CNTNAP5: variants seen among roughly 807,000 people sequenced by gnomAD.
CNTNAP5 encodes the protein contactin-associated protein-like 5.
A neutral mutation model predicts 150.2 loss-of-function variants in CNTNAP5; 72 were observed. The observed-to-expected ratio is 0.48, with a 90% CI of 0.40 to 0.58. CNTNAP5 has a LOEUF of 0.58. Among genes scored for constraint, CNTNAP5 ranks in the 20% least tolerant of loss-of-function variants. The pLI is 0.00. For synonymous variants in CNTNAP5, 672 were observed against 619.8 expected (o/e 1.08, Z -1.25); for missense variants, 1,636 against 1,626.2 (o/e 1.01, Z -0.10).
intron 20 of CNTNAP5, among the ~76,000 whole-genome samples, chr2:124,867,319 C>A (rs995235952): frequency 1.3e-5 from 2 of 152,122 alleles, no homozygotes; most frequent in South Asian, 2.1e-4. Context: ...TTTTCTTGCC[C>A]GAATTTTTGG....
At chr2:124,540,251 A>G (rs1206753226) in intron 10 of CNTNAP5, among the ~76,000 whole-genome samples, 1 of 152,202 alleles carries the variant, frequency 6.6e-6, no homozygotes, top group Non-Finnish European at 1.5e-5. Flanking sequence ...TGCTTTGGAT[A>G]TGGAAATCTT....
Position 124,860,449 on chromosome 2 carries a change from TTCTTTCCTTCCTTCCTTCCTTCC to T in CNTNAP5, c.3218-4855_3218-4833del, listed in dbSNP as rs1558803813. On this transcript the variant is annotated intron_variant, in intron 19 of 23. Transcript: ENST00000682447. The stretch of plus-strand genomic sequence containing the variant: ...CTTCCTTCCTTCCTTCCTTCCTTCC[TTCTTTCCTTCCTTCCTTCCTTCC>T]TTCCTTCCTTCCTTCCTTCCTTCCT... Among the ~76,000 whole-genome samples, 152 of 109,762 alleles carry T rather than the reference TTCTTTCCTTCCTTCCTTCCTTCC, an allele frequency of 1.4e-3. 5 individuals are homozygous for T. In the Middle Eastern group the frequency reaches 0.02, roughly 15 times the overall value. 72.0% of individuals were successfully genotyped at this position (109,762 alleles called of 152,430 possible). A position where few individuals can be genotyped will look rare whatever the true frequency, so the allele number is the denominator to read the frequency against.
At chr2:124,532,960 C>T (rs1695144770) in intron 10 of CNTNAP5, among the ~76,000 whole-genome samples, 1 of 152,132 alleles carries the variant, frequency 6.6e-6, no homozygotes, top group South Asian at 2.1e-4. Flanking sequence ...CCCCGCCACC[C>T]TTTCCCCAAC....
At chr2:124,388,516 C>A (rs1455996317) in intron 3 of CNTNAP5, among the ~76,000 whole-genome samples, 1 of 152,146 alleles carries the variant, frequency 6.6e-6, no homozygotes, top group African/African-American at 2.4e-5. Context: ...GCATCAATTC[C>A]CTGGGAAGGC....
At chr2:124,268,013 A>G (rs1022260808) in intron 3 of CNTNAP5, among the ~76,000 whole-genome samples, 4 of 152,140 alleles carry the variant, frequency 2.6e-5, no homozygotes, top group Admixed American at 6.5e-5. Context: ...ATCCAGCTCA[A>G]TATTTCAAAG....
chr2:124,199,384 A>C (rs1685663412), intron 1 of CNTNAP5, among the ~76,000 whole-genome samples: 1 of 144,426 alleles, frequency 6.9e-6, no homozygotes, highest in Non-Finnish European at 1.5e-5. Context: ...TAATTTTTTC[A>C]TGTATTTTGT....
chr2:124,316,607 T>C (rs894462199), intron 3 of CNTNAP5, among the ~76,000 whole-genome samples: 1 of 151,668 alleles, frequency 6.6e-6, no homozygotes, highest in African/African-American at 2.4e-5. Flanking sequence ...AGATTGAGAC[T>C]ATCCTGGCTA....
chr2:124,448,744 A>G (rs1692891534), intron 6 of CNTNAP5, among the ~76,000 whole-genome samples: 1 of 150,048 alleles, frequency 6.7e-6, no homozygotes, highest in African/African-American at 2.5e-5. Flanking sequence ...TATGACAGAG[A>G]CTCTAAGTGC....
chr2:124,233,176 C>T lies in CNTNAP5; in HGVS notation c.188-9024C>T, dbSNP rs539493981. On this transcript the variant is annotated intron_variant, in intron 2 of 23. Transcript: ENST00000682447. ...TACCATCCTCAGTGGCAGCATTGTCCTGGAACTGATAAGCCTGCCCAACAT... is the reference window on the plus strand; with the variant it reads ...TACCATCCTCAGTGGCAGCATTGTCTTGGAACTGATAAGCCTGCCCAACAT... 5.3e-5 allele frequency among the ~76,000 whole-genome samples: 8 copies of T among 152,208 alleles called. 2 individuals are homozygous for T. Among genetic ancestry groups the T allele is most frequent in the African/African-American group, 1.7e-4 (7 of 41,540 alleles).
chr2:124,464,011 T>C (rs1341483396), intron 6 of CNTNAP5, among the ~76,000 whole-genome samples: 1 of 152,120 alleles, frequency 6.6e-6, no homozygotes. Context: ...GAAGGTCAGC[T>C]CTAAGCATGG....
chr2:124,459,014 A>G (rs552418969), intron 6 of CNTNAP5, among the ~76,000 whole-genome samples: 18 of 152,366 alleles, frequency 1.2e-4, no homozygotes, highest in African/African-American at 4.1e-4. Context: ...AAAACTGGAA[A>G]CAAATGCTCT....
At chr2:124,242,934 A>G (rs1251795930) in intron 3 of CNTNAP5, among the ~76,000 whole-genome samples, 2 of 152,212 alleles carry the variant, frequency 1.3e-5, no homozygotes, top group Non-Finnish European at 2.9e-5. Context: ...CTAAAACTAC[A>G]AAACAAGTAG....
chr2:124,840,534 A>C (rs903053312), intron 19 of CNTNAP5, among the ~76,000 whole-genome samples: 3 of 152,108 alleles, frequency 2.0e-5, no homozygotes, highest in African/African-American at 7.2e-5. Flanking sequence ...TTAGTAAGAC[A>C]TGCTGGCTGG....
At chr2:124,455,512 A>G (rs192313108) in intron 6 of CNTNAP5, among the ~76,000 whole-genome samples, 2 of 152,216 alleles carry the variant, frequency 1.3e-5, no homozygotes, top group African/African-American at 4.8e-5. Context: ...CTAATCCACA[A>G]GATAGAGAAA....
At chr2:124,125,479 C>A (rs745713930) in intron 1 of CNTNAP5, among the ~76,000 whole-genome samples, 2 of 152,116 alleles carry the variant, frequency 1.3e-5, no homozygotes, top group Non-Finnish European at 2.9e-5. Context: ...CGTTAACAGC[C>A]CACTGTCAAC....
At chr2:124,362,683 A>G (rs1690247045) in intron 3 of CNTNAP5, among the ~76,000 whole-genome samples, 1 of 152,136 alleles carries the variant, frequency 6.6e-6, no homozygotes, top group South Asian at 2.1e-4. Context: ...CCTTTCTGTC[A>G]ATTTTAATTA....
intron 19 of CNTNAP5, among the ~76,000 whole-genome samples, chr2:124,835,167 G>C (rs1321916038): frequency 6.6e-6 from 1 of 152,060 alleles, no homozygotes; most frequent in Non-Finnish European, 1.5e-5. Flanking sequence ...ATAATATCGT[G>C]TAATATTTCC....
At chr2:124,652,072 T>G (rs2105032370) in intron 13 of CNTNAP5, among the ~76,000 whole-genome samples, 1 of 152,328 alleles carries the variant, frequency 6.6e-6, no homozygotes, top group East Asian at 1.9e-4. Context: ...GACACTGTCA[T>G]TTTATGACAG....
chr2:124,617,968 G>A (rs1267319428), intron 12 of CNTNAP5, among the ~76,000 whole-genome samples: 5 of 152,092 alleles, frequency 3.3e-5, no homozygotes, highest in Admixed American at 2.0e-4. Flanking sequence ...ATGAAGGGCA[G>A]GAACAAAGGA....
Sources: gnomAD v4.1 joint callset for allele counts (sites outside exome capture counted in the v4.1 genomes callset) on GRCh38, gnomAD v4.1.1 for gene constraint, MANE v1.5 for transcripts, NCBI Gene and HGNC (gene_info 2026-07-23, HGNC 2026-07-21) for gene names.